Variants in GPBP1 observed in about 807,000 individuals in gnomAD.
GPBP1 encodes GC-rich promoter binding protein 1.
A neutral mutation model predicts 56.5 loss-of-function variants in GPBP1; 13 were observed. That is an observed-to-expected ratio of 0.23 (90% CI 0.15 to 0.37). The LOEUF (loss-of-function observed/expected upper bound fraction) is 0.37, where lower values mean the gene tolerates loss of function less well. Ranked by LOEUF, GPBP1 falls within the 10% of genes least tolerant of loss-of-function variation. The probability of loss-of-function intolerance (pLI) is 1.00; values close to 1 mark genes in which losing one functional copy is unlikely to be tolerated. For missense variants in GPBP1, 477 were observed against 572.3 expected, an observed-to-expected ratio of 0.83 and a Z score of 1.70; for synonymous variants, 204 against 188.9, an observed-to-expected ratio of 1.08 and a Z score of -0.66.
chr5:57,247,809 T>TA (rs1447155216), intron 8 of GPBP1, among the ~76,000 whole-genome samples: 1 of 152,120 alleles, frequency 6.6e-6, no homozygotes, highest in African/African-American at 2.4e-5. Flanking sequence ...AGTGGCTCGT[T>TA]TGTGGCTCAC....
At position 57,264,370 on chromosome 5, in the gene GPBP1, T is replaced by C. The variant is rs1259163950; in HGVS notation, c.*1618T>C. ...CTATCGGTAACACATATTGAATGTC[T>C]TTGAGACTCTTAGATTGTACTATTT... On this transcript the variant is annotated 3_prime_UTR_variant, in exon 12 of 12. Transcript: ENST00000506184. 2.0e-5 allele frequency: 3 copies of C among 152,208 alleles called. No homozygotes were observed. The highest frequency in any genetic ancestry group is 7.2e-5 in the African/African-American group (3 of 41,472). The allele number at this position is 152,208 out of a possible 1,614,324, so 9.4% of individuals were successfully genotyped here. A position where few individuals can be genotyped will look rare whatever the true frequency, so the allele number is the denominator to read the frequency against.
intron 2 of GPBP1, among the ~76,000 whole-genome samples, chr5:57,187,638 A>C (rs1163674264): frequency 6.6e-6 from 1 of 152,224 alleles, no homozygotes; most frequent in African/African-American, 2.4e-5. Context: ...GATATTGGCC[A>C]ACATAGTCTT....
intron 2 of GPBP1, among the ~76,000 whole-genome samples, chr5:57,212,592 C>T (rs1369055357): frequency 6.6e-6 from 1 of 151,972 alleles, no homozygotes; most frequent in Non-Finnish European, 1.5e-5. Flanking sequence ...AACATTTTCA[C>T]TTACATTGCC....
intron 6 of GPBP1, among the ~76,000 whole-genome samples, chr5:57,238,674 C>A (rs759994862): frequency 6.6e-6 from 1 of 152,188 alleles, no homozygotes; most frequent in Non-Finnish European, 1.5e-5. Flanking sequence ...ATTGGCAGAA[C>A]TTAACATTTA....
At chr5:57,248,459 G>T (rs796323913) in intron 8 of GPBP1, among the ~76,000 whole-genome samples, 3 of 123,408 alleles carry the variant, frequency 2.4e-5, no homozygotes, top group African/African-American at 9.7e-5. Flanking sequence ...ACGGAGTCTC[G>T]CTCTGTCGCC....
rs192559301 is a variant in GPBP1 at position 57,197,192 on chromosome 5, T to A, written c.-57-16882T>A. Among the ~76,000 whole-genome samples the A allele has an allele frequency of 4.9e-3, 746 of 152,058 alleles. 10 individuals carry two copies. The highest frequency in any genetic ancestry group is 0.015 in the African/African-American group (617 of 41,498). On this transcript the variant is annotated intron_variant, in intron 2 of 11. Coordinates refer to ENST00000506184, the MANE Select transcript of GPBP1 (RefSeq NM_022913.4). ...CCATCACATCTAGCCCATTTTTTTTTAAAAAAGTAATTTATATAGTAGTTT... is the reference window on the plus strand; with the variant it reads ...CCATCACATCTAGCCCATTTTTTTTAAAAAAAGTAATTTATATAGTAGTTT...
intron 10 of GPBP1, among the ~76,000 whole-genome samples, chr5:57,260,124 CAACTTT>C (rs1164660522): frequency 1.3e-5 from 2 of 152,144 alleles, no homozygotes; most frequent in Non-Finnish European, 2.9e-5. Context: ...GGAAATTATT[CAACTTT>C]AATTTTTCAT....
chr5:57,175,640 C>T lies in GPBP1; in HGVS notation c.-818C>T. Reference sequence around the variant, plus strand: ...ATTCAGCAAGCTACTTAAAAAGAGACCCAGGCAGCATTTCTTCAGTATTTT... The same window carrying T: ...ATTCAGCAAGCTACTTAAAAAGAGATCCAGGCAGCATTTCTTCAGTATTTT... On this transcript the variant is annotated 5_prime_UTR_variant, in exon 2 of 12. Coordinates refer to ENST00000506184, the MANE Select transcript of GPBP1 (RefSeq NM_022913.4). 1 of 396,628 alleles carries T rather than the reference C, an allele frequency of 2.5e-6. No homozygotes were observed. The highest frequency in any genetic ancestry group is 3.6e-5 in the East Asian group (1 of 28,012). 24.6% of individuals were successfully genotyped at this position (396,628 alleles called of 1,614,324 possible). A position where few individuals can be genotyped will look rare whatever the true frequency, so the allele number is the denominator to read the frequency against.
intron 2 of GPBP1, among the ~76,000 whole-genome samples, chr5:57,189,752 C>T (rs73127751): frequency 0.018 from 2,794 of 152,300 alleles, 82 homozygotes; most frequent in African/African-American, 0.064. Context: ...CTGCAAGGAT[C>T]TGCATTGTTT....
intron 3 of GPBP1, among the ~76,000 whole-genome samples, chr5:57,227,051 A>C (rs1756231324): frequency 6.7e-6 from 1 of 148,630 alleles, no homozygotes; most frequent in Non-Finnish European, 1.5e-5. Flanking sequence ...TATTCTTTTG[A>C]AATTATTTTT....
At chr5:57,223,818 T>C (rs1580034481) in intron 3 of GPBP1, among the ~76,000 whole-genome samples, 3 of 149,528 alleles carry the variant, frequency 2.0e-5, no homozygotes, top group Admixed American at 2.0e-4. Flanking sequence ...TTAAAAAATA[T>C]ATATATTTGT....
intron 2 of GPBP1, among the ~76,000 whole-genome samples, chr5:57,204,851 T>A (rs1349044464): frequency 6.6e-6 from 1 of 152,164 alleles, no homozygotes; most frequent in African/African-American, 2.4e-5. Context: ...AATTATAGAA[T>A]AACCTGTTTC....
chr5:57,211,149 C>G (rs1755458302), intron 2 of GPBP1, among the ~76,000 whole-genome samples: 1 of 149,974 alleles, frequency 6.7e-6, no homozygotes, highest in African/African-American at 2.5e-5. Context: ...ATAGCCATAA[C>G]AATACTGCCT....
intron 2 of GPBP1, among the ~76,000 whole-genome samples, chr5:57,202,769 C>T (rs933071554): frequency 1.3e-5 from 2 of 152,314 alleles, no homozygotes. Context: ...CAGGAATGCC[C>T]TCTCTTATGC....
chr5:57,175,221 C>G (rs1432001576), intron 1 of GPBP1, among the ~76,000 whole-genome samples: 1 of 152,210 alleles, frequency 6.6e-6, no homozygotes, highest in East Asian at 1.9e-4. Context: ...TGCCCTTGCC[C>G]TCCATAATAC....
intron 2 of GPBP1, among the ~76,000 whole-genome samples, chr5:57,185,369 C>G (rs995852982): frequency 1.3e-5 from 2 of 151,080 alleles, no homozygotes; most frequent in African/African-American, 4.9e-5. Context: ...TTAAGTGATT[C>G]TCCTGTCTCA....
chr5:57,240,527 A>C (rs1740776328), intron 6 of GPBP1, among the ~76,000 whole-genome samples: 1 of 152,226 alleles, frequency 6.6e-6, no homozygotes. Context: ...TTTCTTCATT[A>C]ATATAATGGT....
intron 2 of GPBP1, among the ~76,000 whole-genome samples, chr5:57,206,759 A>G (rs532485201): frequency 4.6e-5 from 7 of 152,280 alleles, no homozygotes; most frequent in African/African-American, 1.7e-4. Flanking sequence ...ACAATTCCGT[A>G]TTGAATCATC....
intron 2 of GPBP1, among the ~76,000 whole-genome samples, chr5:57,180,932 G>C (rs1174507323): frequency 6.6e-6 from 1 of 152,138 alleles, no homozygotes; most frequent in Admixed American, 6.6e-5. Context: ...AGTAGAGATG[G>C]GGTTTCCCCA....
Sources: gnomAD v4.1 joint callset for allele counts (sites outside exome capture counted in the v4.1 genomes callset) on GRCh38, gnomAD v4.1.1 for gene constraint, MANE v1.5 for transcripts, NCBI Gene and HGNC (gene_info 2026-07-23, HGNC 2026-07-21) for gene names.